CACNA2D3: variants seen among roughly 807,000 people sequenced by gnomAD.
The protein encoded by CACNA2D3 is calcium voltage-gated channel auxiliary subunit alpha2delta 3, also known as voltage-dependent calcium channel subunit alpha-2/delta-3.
A neutral mutation model predicts 160.6 loss-of-function variants in CACNA2D3; 60 were observed. The observed-to-expected ratio is 0.37, with a 90% CI of 0.30 to 0.46. The LOEUF is 0.46. CACNA2D3 is among the 20% of genes least tolerant of loss of function. The pLI, the probability that CACNA2D3 is intolerant of heterozygous loss-of-function variation, is 1.00. For missense variants in CACNA2D3, 1,205 were observed against 1,365.0 expected (o/e 0.88, Z 1.85); for synonymous variants, 558 against 492.9 (o/e 1.13, Z -1.75).
chr3:54,503,373 A>G (rs954496627), intron 4 of CACNA2D3, 119 bp from the exon 5 acceptor site: 15 of 795,498 alleles, frequency 1.9e-5, no homozygotes, highest in African/African-American at 1.9e-4. Flanking sequence ...TAAAAAGATT[A>G]TGTGAGCAGA....
intron 17 of CACNA2D3, among the ~76,000 whole-genome samples, chr3:54,860,673 C>T (rs1035568188): frequency 2.0e-5 from 3 of 152,174 alleles, no homozygotes; most frequent in East Asian, 1.9e-4. Context: ...CCCCTTCCTG[C>T]GTCCTCAGGA....
intron 2 of CACNA2D3, among the ~76,000 whole-genome samples, chr3:54,176,490 T>G (rs892820290): frequency 6.6e-6 from 1 of 152,204 alleles, no homozygotes; most frequent in African/African-American, 2.4e-5. Context: ...ATTTGTGCAT[T>G]TTATAATGTT....
chr3:54,811,534 G>T, intron 13 of CACNA2D3, among the ~76,000 whole-genome samples: 1 of 129,756 alleles, frequency 7.7e-6, no homozygotes. Flanking sequence ...ATCTCACTCT[G>T]TCACCCAGGC....
intron 3 of CACNA2D3, among the ~76,000 whole-genome samples, chr3:54,345,017 C>T (rs1481251868): frequency 6.6e-6 from 1 of 152,196 alleles, no homozygotes; most frequent in African/African-American, 2.4e-5. Flanking sequence ...ATTGCCATGG[C>T]AACGACAGGA....
chr3:54,404,478 T>C (rs554079358), intron 4 of CACNA2D3, among the ~76,000 whole-genome samples: 6 of 152,144 alleles, frequency 3.9e-5, no homozygotes, highest in African/African-American at 1.4e-4. Flanking sequence ...AGATGGAAGG[T>C]TTCTCAGCAT....
At chr3:54,572,491 C>T (rs945550765) in intron 8 of CACNA2D3, among the ~76,000 whole-genome samples, 9 of 152,150 alleles carry the variant, frequency 5.9e-5, no homozygotes, top group Non-Finnish European at 1.3e-4. Flanking sequence ...GGCATGAAGC[C>T]GCAGAAGTGA....
At chr3:54,853,398 A>G (rs1414653985) in intron 17 of CACNA2D3, among the ~76,000 whole-genome samples, 3 of 152,216 alleles carry the variant, frequency 2.0e-5, no homozygotes, top group Non-Finnish European at 2.9e-5. Flanking sequence ...TTCTTACAAT[A>G]AATGAGAAGA....
chr3:54,201,664 A>C (rs1701181624), intron 2 of CACNA2D3, among the ~76,000 whole-genome samples: 1 of 152,244 alleles, frequency 6.6e-6, no homozygotes, highest in Non-Finnish European at 1.5e-5. Context: ...AAATGTAAGG[A>C]ATGAAATTAT....
chr3:54,862,484 T>C (rs888303805), intron 17 of CACNA2D3, among the ~76,000 whole-genome samples: 2 of 152,170 alleles, frequency 1.3e-5, no homozygotes, highest in African/African-American at 4.8e-5. Context: ...ATAAATCAGG[T>C]AATGGCAGTT....
At chr3:54,860,350 T>C (rs974651804) in intron 17 of CACNA2D3, among the ~76,000 whole-genome samples, 3 of 152,088 alleles carry the variant, frequency 2.0e-5, no homozygotes, top group African/African-American at 7.2e-5. Flanking sequence ...AATGCCTGCT[T>C]CTCCCAAAGG....
chr3:54,332,880 C>G lies in CACNA2D3; in HGVS notation c.321+12322C>G, dbSNP rs143051812. Among the ~76,000 whole-genome samples the G allele has an allele frequency of 3.6e-3, 541 of 152,180 alleles. 1 individual carries two copies. The highest frequency in any genetic ancestry group is 5.8e-3 in the Non-Finnish European group (392 of 67,996). On this transcript the variant is annotated intron_variant, in intron 3 of 37. Coordinates refer to ENST00000474759, the MANE Select transcript of CACNA2D3 (RefSeq NM_018398.3). ...CTACTGTTAAGATCTAGATTTATAGCGGGCTCCCTCCCCACATGGAGTTTA... is the reference window on the plus strand; with the variant it reads ...CTACTGTTAAGATCTAGATTTATAGGGGGCTCCCTCCCCACATGGAGTTTA...
At chr3:54,377,192 C>T (rs1699026881) in intron 3 of CACNA2D3, among the ~76,000 whole-genome samples, 2 of 152,222 alleles carry the variant, frequency 1.3e-5, no homozygotes, top group South Asian at 4.1e-4. Flanking sequence ...CAAACCCTTC[C>T]ATAAAGGCCT....
chr3:54,536,708 G>A (rs1242394896), intron 5 of CACNA2D3, among the ~76,000 whole-genome samples: 1 of 152,224 alleles, frequency 6.6e-6, no homozygotes, highest in African/African-American at 2.4e-5. Flanking sequence ...ATGTGCTGGG[G>A]GAGTGATCCT....
chr3:54,180,478 C>G (rs898999898), intron 2 of CACNA2D3, among the ~76,000 whole-genome samples: 1 of 152,178 alleles, frequency 6.6e-6, no homozygotes, highest in African/African-American at 2.4e-5. Flanking sequence ...GTCAGCCCAG[C>G]TCCCATAGCC....
At chr3:54,291,028 G>A (rs1197793321) in intron 2 of CACNA2D3, among the ~76,000 whole-genome samples, 2 of 152,146 alleles carry the variant, frequency 1.3e-5, no homozygotes, top group Non-Finnish European at 2.9e-5. Flanking sequence ...TGCACGTTGT[G>A]CACATGTACC....
At chr3:54,550,371 C>T (rs1001651177) in intron 5 of CACNA2D3, among the ~76,000 whole-genome samples, 4 of 152,196 alleles carry the variant, frequency 2.6e-5, no homozygotes, top group Non-Finnish European at 4.4e-5. Flanking sequence ...TGGGCCTTCC[C>T]CGGAGCTGTG....
chr3:54,437,686 G>C (rs1319736761), intron 4 of CACNA2D3, among the ~76,000 whole-genome samples: 18 of 152,198 alleles, frequency 1.2e-4, no homozygotes, highest in Non-Finnish European at 2.6e-4. Flanking sequence ...ATATCTTTGA[G>C]GATGCCTGGG....
intron 4 of CACNA2D3, among the ~76,000 whole-genome samples, chr3:54,440,986 C>T (rs1350563461): frequency 6.6e-6 from 1 of 152,034 alleles, no homozygotes; most frequent in Non-Finnish European, 1.5e-5. Context: ...ATTTATAGTC[C>T]TTTGGGTAAA....
chr3:54,533,883 A>G lies in CACNA2D3; in HGVS notation c.545-28917A>G, dbSNP rs546763117. Among the ~76,000 whole-genome samples the G allele has an allele frequency of 9.2e-5, 14 of 152,170 alleles. No individual in the cohort carries two copies. In the South Asian group the frequency reaches 1.5e-3, roughly 16 times the overall value. On this transcript the variant is annotated intron_variant, in intron 5 of 37. Transcript: ENST00000474759. ...GGGATAAAGTGTTCAAAATAGGACA[A>G]TCTAGGAGAAAAATATACAGGTGTT... is the stretch of plus-strand genomic sequence containing the variant.
Sources: gnomAD v4.1 joint callset for allele counts (sites outside exome capture counted in the v4.1 genomes callset) on GRCh38, gnomAD v4.1.1 for gene constraint, MANE v1.5 for transcripts, NCBI Gene and HGNC (gene_info 2026-07-23, HGNC 2026-07-21) for gene names.